CIB3: variants seen among roughly 807,000 people sequenced by gnomAD.
CIB3 encodes the protein calcium and integrin-binding family member 3.
A neutral mutation model predicts 23.4 loss-of-function variants in CIB3; 22 were observed. The ratio of observed to expected loss-of-function variants is 0.94; its 90% confidence interval spans 0.67 to 1.34. CIB3 has a LOEUF of 1.34. Among genes scored for constraint, CIB3 ranks in the 40% most tolerant of loss-of-function variants. CIB3 has a pLI of 0.00. For synonymous variants in CIB3, 93 were observed against 95.8 expected, an observed-to-expected ratio of 0.97 and a Z score of 0.17; for missense variants, 258 against 247.3, an observed-to-expected ratio of 1.04 and a Z score of -0.29.
intron 2 of CIB3, among the ~76,000 whole-genome samples, chr19:16,172,225 G>A (rs1016308521): frequency 6.6e-6 from 1 of 152,154 alleles, no homozygotes; most frequent in African/African-American, 2.4e-5. Flanking sequence ...CGTGATCTCG[G>A]CTCACTGCAA....
intron 5 of CIB3, among the ~76,000 whole-genome samples, chr19:16,163,279 G>C (rs542245749): frequency 6.6e-6 from 1 of 152,232 alleles, no homozygotes; most frequent in East Asian, 1.9e-4. Flanking sequence ...AACGGGCTGG[G>C]CGTGGTGGCT....
intron 4 of CIB3, among the ~76,000 whole-genome samples, chr19:16,166,017 C>T (rs2091304410): frequency 6.6e-6 from 1 of 152,006 alleles, no homozygotes. Context: ...ATGGGCCCGG[C>T]GCAGTGGCTC....
chr19:16,162,977 A>G (rs1302275487), intron 5 of CIB3, among the ~76,000 whole-genome samples: 1 of 138,400 alleles, frequency 7.2e-6, no homozygotes, highest in African/African-American at 2.8e-5. Flanking sequence ...TCCACCTCCC[A>G]GGTTCGGGTT....
At chr19:16,162,572 C>T (rs996182270) in intron 5 of CIB3, among the ~76,000 whole-genome samples, 6 of 151,910 alleles carry the variant, frequency 3.9e-5, no homozygotes, top group Admixed American at 3.9e-4. Context: ...GCCAACATGG[C>T]GAAACCTTAT....
intron 4 of CIB3, among the ~76,000 whole-genome samples, chr19:16,166,298 A>AAAAT (rs909513494): frequency 6.6e-6 from 1 of 152,208 alleles, no homozygotes; most frequent in African/African-American, 2.4e-5. Flanking sequence ...TCTCAGTAAA[A>AAAAT]AAATAAATAA....
At chr19:16,166,794 T>C (rs909916945) in intron 4 of CIB3, among the ~76,000 whole-genome samples, 2 of 152,220 alleles carry the variant, frequency 1.3e-5, no homozygotes, top group African/African-American at 2.4e-5. Flanking sequence ...AAAAGTATTA[T>C]GGTGGCAGGG....
At chr19:16,171,841 C>T (rs1423461328) in intron 2 of CIB3, among the ~76,000 whole-genome samples, 2 of 152,212 alleles carry the variant, frequency 1.3e-5, no homozygotes, top group Admixed American at 1.3e-4. Flanking sequence ...AAGGTGTGGC[C>T]ATCAATAATG....
At chr19:16,167,075 G>A in intron 4 of CIB3, among the ~76,000 whole-genome samples, 1 of 152,176 alleles carries the variant, frequency 6.6e-6, no homozygotes, top group South Asian at 2.1e-4. Context: ...AAATTAGTCA[G>A]GCGTTGTGGC....
Position 16,173,465 on chromosome 19 carries a change from T to C in CIB3, c.11A>G (p.Lys4Arg). ...CTGCTCGTGTGTGAAGACTGTCTGC[T>C]TGTTGCCCATGGTGTGAACCACAGC... is the stretch of plus-strand genomic sequence containing the variant. MGN[K>R]QTVFTHEQLE... The change falls in exon 1 of 6, where the codon AAG becomes AGG. Residue 4 changes from lysine to arginine, a missense_variant. Transcript: ENST00000269878. 1.2e-6 allele frequency: 2 copies of C among 1,614,132 alleles called. No homozygotes were observed. The highest frequency in any genetic ancestry group is 8.5e-7 in the Non-Finnish European group (1 of 1,180,006).
At chr19:16,167,877 C>T (rs1373665682) in intron 4 of CIB3, among the ~76,000 whole-genome samples, 1 of 151,974 alleles carries the variant, frequency 6.6e-6, no homozygotes, top group African/African-American at 2.4e-5. Flanking sequence ...AGGAGCAAGG[C>T]GAAAGGTGTT....
intron 5 of CIB3, among the ~76,000 whole-genome samples, chr19:16,163,478 C>T (rs375597284): frequency 6.6e-6 from 1 of 152,046 alleles, no homozygotes; most frequent in South Asian, 2.1e-4. Flanking sequence ...TCACTTGAAC[C>T]CAGGAGGTGG....
rs769329436 is a variant in CIB3 at position 16,173,433 on chromosome 19, C to A, written c.43G>T (p.Ala15Ser). ...QTVFTHEQLEAYQDCTFFTRK... is the reference protein window; with the variant it reads ...QTVFTHEQLESYQDCTFFTRK... ...ATCCTGCCCCCCTCTACCTGATACG[C>A]TTCCAGCTGCTCGTGTGTGAAGACT... The change falls in exon 1 of 6, where the codon GCG becomes TCG. Residue 15 changes from alanine (A) to serine (S), a missense_variant. Ala to Ser is a moderately conservative substitution (Grantham distance 99). Transcript: ENST00000269878. 6.2e-7 allele frequency: 1 copy of A among 1,613,932 alleles called. No homozygotes were observed. The highest frequency in any genetic ancestry group is 8.5e-7 in the Non-Finnish European group (1 of 1,179,928).
intron 5 of CIB3, among the ~76,000 whole-genome samples, chr19:16,164,365 TC>T (rs2091296836): frequency 6.6e-6 from 1 of 152,200 alleles, no homozygotes; most frequent in Non-Finnish European, 1.5e-5. Flanking sequence ...AGGCTTTGGG[TC>T]AGACTGGCCT....
chr19:16,169,624 G>C lies in CIB3; in HGVS notation c.198+6C>G, dbSNP rs978996802. 1 of 1,611,166 alleles carries C rather than the reference G, an allele frequency of 6.2e-7. No homozygotes were observed. The highest frequency in any genetic ancestry group is 1.3e-5 in the African/African-American group (1 of 74,876). The stretch of plus-strand genomic sequence containing the variant: ...TTACCCTGTTTGTCCCATGGCCTGG[G>C]CATACCTTCAGCTCGGGCATGCTGC... On this transcript the variant is annotated splice_donor_region_variant and intron_variant, in intron 3 of 5. Coordinates refer to ENST00000269878, the MANE Select transcript of CIB3 (RefSeq NM_054113.4).
chr19:16,165,835 T>C (rs1163038087), intron 4 of CIB3, among the ~76,000 whole-genome samples: 1 of 152,208 alleles, frequency 6.6e-6, no homozygotes, highest in Non-Finnish European at 1.5e-5. Context: ...TTATTGAGCA[T>C]CTACTATGTG....
At chr19:16,168,095 A>AC in intron 4 of CIB3, 42 bp downstream of exon 4, 7 of 1,253,626 alleles carry the variant, frequency 5.6e-6, no homozygotes, top group Admixed American at 4.0e-5. Flanking sequence ...CCCACTCCCC[A>AC]CCCCATCCCC....
In CIB3 at chr19:16,168,178, G is replaced by C; in HGVS notation, c.305C>G (p.Ala102Gly). The change falls in exon 4 of 6, where the codon GCT becomes GGT. Residue 102 changes from alanine (A) to glycine (G), a missense_variant. Coordinates refer to ENST00000269878, the MANE Select transcript of CIB3 (RefSeq NM_054113.4). Reference protein sequence around the residue: ...LDMFSVMSEMAPRDLKAYYAF... With the variant: ...LDMFSVMSEMGPRDLKAYYAF... ...ATAGTAAGCCTTGAGGTCGCGGGGA[G>C]CCATTTCACTCATCACGGAAAACAT... 1 of 1,612,302 alleles carries C rather than the reference G, an allele frequency of 6.2e-7. No individual in the cohort carries two copies. The highest frequency in any genetic ancestry group is 8.5e-7 in the Non-Finnish European group (1 of 1,179,318).
At chr19:16,170,088 C>A (rs1457930461) in intron 2 of CIB3, among the ~76,000 whole-genome samples, 1 of 152,148 alleles carries the variant, frequency 6.6e-6, no homozygotes, top group Non-Finnish European at 1.5e-5. Context: ...CGTGAGCCAC[C>A]GCACCTGGCC....
In CIB3 at chr19:16,168,330, G is replaced by T. The variant is rs191912541; in HGVS notation, c.199-46C>A. The T allele has an allele frequency of 1.9e-4, 313 of 1,605,492 alleles. No homozygotes were observed. In the African/African-American group the frequency reaches 3.9e-3, roughly 20 times the overall value. On this transcript the variant is annotated intron_variant, in intron 3 of 5. Coordinates refer to ENST00000269878, the MANE Select transcript of CIB3 (RefSeq NM_054113.4). The stretch of plus-strand genomic sequence containing the variant: ...GGGAGGCCATCCTCTGACCCCCAAG[G>T]TCTCTGGGGTCCATGTGGTCTCACT...
Sources: allele counts gnomAD v4.1 joint callset (sites outside exome capture counted in the v4.1 genomes callset), GRCh38; gene constraint gnomAD v4.1.1; transcripts MANE v1.5; gene names NCBI Gene and HGNC (gene_info 2026-07-23, HGNC 2026-07-21).